SLC31A1: variants seen among roughly 807,000 people sequenced by gnomAD.
SLC31A1 encodes solute carrier family 31 member 1.
A neutral mutation model predicts 17.2 loss-of-function variants in SLC31A1; 5 were observed. The ratio of observed to expected loss-of-function variants is 0.29; its 90% CI spans 0.15 to 0.61. SLC31A1 has a LOEUF of 0.61. Ranked by LOEUF, SLC31A1 falls within the 20% of genes least tolerant of loss-of-function variation. The probability of loss-of-function intolerance (pLI) is 0.86; values close to 1 mark genes in which losing one functional copy is unlikely to be tolerated. For synonymous variants in SLC31A1, 76 were observed against 78.8 expected, an observed-to-expected ratio of 0.96 and a Z score of 0.19; for missense variants, 161 against 241.4, an observed-to-expected ratio of 0.67 and a Z score of 2.21.
Position 113,260,507 on chromosome 9 carries a change from A to G in SLC31A1, c.*34A>G. On this transcript the variant is annotated 3_prime_UTR_variant, in exon 5 of 5. Transcript: ENST00000374212. ...TCTATGGCGTGGCCTTATCGATTGCAGTGGGAAGTTGTTGAAGACTTGAAG... is the reference window on the plus strand; with the variant it reads ...TCTATGGCGTGGCCTTATCGATTGCGGTGGGAAGTTGTTGAAGACTTGAAG... 6.4e-7 allele frequency: 1 copy of G among 1,569,666 alleles called. No homozygotes were observed. The highest frequency in any genetic ancestry group is 2.3e-5 in the East Asian group (1 of 42,994).
intron 1 of SLC31A1, among the ~76,000 whole-genome samples, chr9:113,249,978 A>C (rs1449523450): frequency 6.8e-6 from 1 of 147,212 alleles, no homozygotes; most frequent in African/African-American, 2.5e-5. Context: ...CCACAGTGAG[A>C]TACCATTTCA....
intron 1 of SLC31A1, among the ~76,000 whole-genome samples, chr9:113,243,672 G>A (rs911407473): frequency 6.6e-6 from 1 of 152,168 alleles, no homozygotes; most frequent in African/African-American, 2.4e-5. Flanking sequence ...AGTTGGGACT[G>A]CAGGCATGCA....
intron 1 of SLC31A1, chr9:113,255,886 A>C: frequency 3.7e-6 from 1 of 267,166 alleles, no homozygotes. Flanking sequence ...AGTATTTACC[A>C]AGAAACAAGC....
chr9:113,227,839 T>C (rs768484037), intron 1 of SLC31A1, among the ~76,000 whole-genome samples: 1 of 152,228 alleles, frequency 6.6e-6, no homozygotes, highest in Non-Finnish European at 1.5e-5. Context: ...AAGCAATGCT[T>C]TGCCAATGTA....
chr9:113,261,974 T>C lies in SLC31A1; in HGVS notation c.*1501T>C, dbSNP rs1178257705. ...GTGTGTATGTGTACCCAAGCACACATGTGTGAAGGGCTATAGCCAAAGTAT... is the reference window on the plus strand; with the variant it reads ...GTGTGTATGTGTACCCAAGCACACACGTGTGAAGGGCTATAGCCAAAGTAT... On this transcript the variant is annotated 3_prime_UTR_variant, in exon 5 of 5. Transcript: ENST00000374212. 6.6e-6 allele frequency: 1 copy of C among 152,420 alleles called. No individual in the cohort carries two copies. The highest frequency in any genetic ancestry group is 6.6e-5 in the Admixed American group (1 of 15,264). 9.4% of individuals were successfully genotyped at this position (152,420 alleles called of 1,614,324 possible).
intron 2 of SLC31A1, among the ~76,000 whole-genome samples, chr9:113,256,860 CAAAA>C (rs10705989): frequency 3.9e-5 from 4 of 102,534 alleles, no homozygotes; most frequent in Admixed American, 1.1e-4. Flanking sequence ...GAATCCGTAT[CAAAA>C]AAAAAAAAAA....
At chr9:113,238,966 T>G (rs1349493553) in intron 1 of SLC31A1, among the ~76,000 whole-genome samples, 1 of 152,180 alleles carries the variant, frequency 6.6e-6, no homozygotes, top group African/African-American at 2.4e-5. Flanking sequence ...TAGTTCACCT[T>G]CATCGTATTT....
intron 1 of SLC31A1, chr9:113,227,201 T>C (rs1198700192): frequency 6.6e-6 from 1 of 152,134 alleles, no homozygotes; most frequent in Non-Finnish European, 1.5e-5. Context: ...CCAGTACTTT[T>C]ACTGCCACAC....
chr9:113,230,877 C>T (rs7034815), intron 1 of SLC31A1, among the ~76,000 whole-genome samples: 1,694 of 152,202 alleles, frequency 0.011, 34 homozygotes, highest in African/African-American at 0.038. Context: ...CCCATCTCAC[C>T]TCCCTCATTC....
At chr9:113,260,230 T>C (rs1457287972) in intron 4 of SLC31A1, 42 bp from the exon 5 acceptor site, 1 of 1,564,882 alleles carries the variant, frequency 6.4e-7, no homozygotes, top group African/African-American at 1.4e-5. Context: ...TCTGCAGAAC[T>C]CCTAGGAGTC....
intron 1 of SLC31A1, among the ~76,000 whole-genome samples, chr9:113,243,194 A>G (rs528844841): frequency 2.0e-5 from 3 of 152,254 alleles, no homozygotes; most frequent in African/African-American, 4.8e-5. Context: ...CCAATGTAGT[A>G]TATGTCACCT....
intron 1 of SLC31A1, among the ~76,000 whole-genome samples, chr9:113,254,422 T>G (rs1184057091): frequency 6.6e-6 from 1 of 152,166 alleles, no homozygotes; most frequent in Non-Finnish European, 1.5e-5. Context: ...TTGATAAATA[T>G]TGAGTGAATG....
At chr9:113,242,143 C>T (rs934695654) in intron 1 of SLC31A1, among the ~76,000 whole-genome samples, 3 of 151,892 alleles carry the variant, frequency 2.0e-5, no homozygotes, top group Admixed American at 6.6e-5. Context: ...GAGCTGAGAT[C>T]ACGCCACCGC....
At chr9:113,236,143 A>G (rs1831456344) in intron 1 of SLC31A1, among the ~76,000 whole-genome samples, 1 of 152,108 alleles carries the variant, frequency 6.6e-6, no homozygotes, top group Admixed American at 6.5e-5. Context: ...GCACGCCACC[A>G]AACCTGGCTA....
intron 1 of SLC31A1, among the ~76,000 whole-genome samples, chr9:113,233,103 C>T (rs1224522445): frequency 6.6e-6 from 1 of 152,214 alleles, no homozygotes; most frequent in African/African-American, 2.4e-5. Context: ...AACCACTGTG[C>T]TGTGGCCTCA....
intron 1 of SLC31A1, among the ~76,000 whole-genome samples, chr9:113,245,406 A>G (rs1394770082): frequency 6.6e-6 from 1 of 152,128 alleles, no homozygotes; most frequent in Admixed American, 6.6e-5. Flanking sequence ...TATACACTTT[A>G]TAATGTAATG....
intron 1 of SLC31A1, among the ~76,000 whole-genome samples, chr9:113,242,885 TCTA>T (rs1831536415): frequency 1.3e-5 from 2 of 152,252 alleles, no homozygotes; most frequent in Non-Finnish European, 2.9e-5. Flanking sequence ...CTTCCCTTCT[TCTA>T]CTCTTAGAAA....
At chr9:113,222,994 C>G (rs886841786) in intron 1 of SLC31A1, among the ~76,000 whole-genome samples, 8 of 152,034 alleles carry the variant, frequency 5.3e-5, no homozygotes, top group African/African-American at 1.9e-4. Context: ...TACTTAAAGT[C>G]ACTTGCAAAG....
chr9:113,250,896 C>T (rs908767837), intron 1 of SLC31A1, among the ~76,000 whole-genome samples: 1 of 151,980 alleles, frequency 6.6e-6, no homozygotes, highest in African/African-American at 2.4e-5. Flanking sequence ...GGAATGGATT[C>T]GTTCCTGCAA....
Sources: gnomAD v4.1 joint callset for allele counts (sites outside exome capture counted in the v4.1 genomes callset) on GRCh38, gnomAD v4.1.1 for gene constraint, MANE v1.5 for transcripts, NCBI Gene and HGNC (gene_info 2026-07-23, HGNC 2026-07-21) for gene names.